The following COL6A5 variants were observed in gnomAD, a reference collection of about 807,000 sequenced individuals.
The protein encoded by COL6A5 is collagen alpha-5(VI) chain.
A neutral mutation model predicts 65.6 loss-of-function variants in COL6A5; 48 were observed. That is an observed-to-expected ratio of 0.73 (90% CI 0.58 to 0.93). COL6A5 has a LOEUF of 0.93. Ranked by LOEUF, COL6A5 falls within the 40% of genes least tolerant of loss-of-function variation. The pLI is 0.00. For synonymous variants in COL6A5, 291 were observed against 322.8 expected, an observed-to-expected ratio of 0.90 and a Z score of 1.05; for missense variants, 914 against 928.3, an observed-to-expected ratio of 0.98 and a Z score of 0.20.
rs768041880 is a variant in COL6A5 at position 130,410,402 on chromosome 3, ATGC to A, written c.4609-66_4609-64del. The A allele has an allele frequency of 5.5e-5, 62 of 1,135,890 alleles. No homozygotes were observed. In the Middle Eastern group the frequency reaches 7.7e-4, roughly 14 times the overall value. 70.4% of individuals were successfully genotyped at this position (1,135,890 alleles called of 1,614,324 possible). On this transcript the variant is annotated intron_variant and NMD_transcript_variant, in intron 19 of 41. Coordinates refer to the COL6A5 transcript ENST00000312481. ...CATTTTAATAGTGCTTGAGGTTTTG[ATGC>A]TGATGCCTTTGTGATTTATTCAGAA...
At chr3:130,460,546 AT>A (rs1249526832) in intron 5 of COL6A5, among the ~76,000 whole-genome samples, 3 of 152,052 alleles carry the variant, frequency 2.0e-5, no homozygotes, top group African/African-American at 7.2e-5. Context: ...TGTTGGTGAC[AT>A]TTTATGTTAT....
exon 13 of COL6A5, chr3:130,403,642 A>C: frequency 1.3e-6 from 2 of 1,551,218 alleles, no homozygotes; most frequent in Non-Finnish European, 1.7e-6. Context: ...CAGAGGACAC[A>C]GGGGAGAGGA....
chr3:130,395,275 A>G, exon 8 of COL6A5: 1 of 1,551,680 alleles, frequency 6.4e-7, no homozygotes, highest in Admixed American at 2.0e-5. Context: ...TGGCAGATGC[A>G]GTAAAAACCC....
chr3:130,368,700 A>G (rs1414464706), intron 1 of COL6A5, among the ~76,000 whole-genome samples: 1 of 152,178 alleles, frequency 6.6e-6, no homozygotes, highest in Non-Finnish European at 1.5e-5. Context: ...GGGTGTGGAC[A>G]GATTTGAGAG....
At chr3:130,381,700 G>A (rs1343211834) in intron 4 of COL6A5, among the ~76,000 whole-genome samples, 1 of 151,888 alleles carries the variant, frequency 6.6e-6, no homozygotes, top group Non-Finnish European at 1.5e-5. Context: ...ATGCTTCCAG[G>A]CAATTGAAAC....
chr3:130,429,467 G>C, upstream of COL6A5: 1 of 975,228 alleles, frequency 1.0e-6, no homozygotes, highest in Non-Finnish European at 1.5e-6. Context: ...CTCATTTGCA[G>C]TTAGACTCAA....
At chr3:130,381,898 A>G (rs561660518) in intron 4 of COL6A5, among the ~76,000 whole-genome samples, 1 of 152,232 alleles carries the variant, frequency 6.6e-6, no homozygotes, top group Admixed American at 6.5e-5. Flanking sequence ...TAGAAATTGT[A>G]AATGGGAAGA....
chr3:130,463,328 CA>C (rs11347397), intron 5 of COL6A5, among the ~76,000 whole-genome samples: 85,459 of 151,846 alleles, frequency 0.56, 26,630 homozygotes, highest in Non-Finnish European at 0.72. Flanking sequence ...TTTCAAATTT[CA>C]AAGCAGGCCA....
intron 5 of COL6A5, among the ~76,000 whole-genome samples, chr3:130,457,581 G>A (rs1028490910): frequency 6.6e-6 from 1 of 152,126 alleles, no homozygotes; most frequent in Non-Finnish European, 1.5e-5. Context: ...CCTACAGTGA[G>A]TTGAAGTATG....
intron 3 of COL6A5, among the ~76,000 whole-genome samples, chr3:130,377,240 A>G (rs948516896): frequency 6.6e-6 from 1 of 152,174 alleles, no homozygotes; most frequent in African/African-American, 2.4e-5. Context: ...AACAGGTAGC[A>G]CATGAGGGCA....
At chr3:130,375,664 T>C (rs1194776798) in intron 2 of COL6A5, among the ~76,000 whole-genome samples, 1 of 152,136 alleles carries the variant, frequency 6.6e-6, no homozygotes, top group Non-Finnish European at 1.5e-5. Context: ...AGAGGTTTAA[T>C]TGACTCAGTT....
At chr3:130,453,531 C>T (rs182084373) in intron 4 of COL6A5, among the ~76,000 whole-genome samples, 3 of 152,198 alleles carry the variant, frequency 2.0e-5, no homozygotes, top group African/African-American at 7.2e-5. Flanking sequence ...CATGTTTCAT[C>T]CCCAAAAGTT....
In COL6A5 at chr3:130,406,336, T is replaced by C. The variant is rs1936993423; in HGVS notation, c.4479+15T>C. On this transcript the variant is annotated intron_variant and NMD_transcript_variant, in intron 17 of 41. Coordinates refer to the COL6A5 transcript ENST00000312481. Reference sequence around the variant, plus strand: ...CAGGATCTCAGGTAACACTTTTCTTTTCAATACTTCAAAGAAGGAGAATTT... The same window carrying C: ...CAGGATCTCAGGTAACACTTTTCTTCTCAATACTTCAAAGAAGGAGAATTT... 2 of 1,536,658 alleles carry C rather than the reference T, an allele frequency of 1.3e-6. No individual in the cohort carries two copies. Among genetic ancestry groups the C allele is most frequent in the East Asian group, 4.9e-5 (2 of 40,870 alleles).
chr3:130,422,051 G>T (rs928692896), intron 27 of COL6A5, among the ~76,000 whole-genome samples: 3 of 151,984 alleles, frequency 2.0e-5, no homozygotes, highest in East Asian at 3.9e-4. Flanking sequence ...ACAAAATATG[G>T]GTTAAAAAGT....
chr3:130,403,677 C>T lies in COL6A5; in HGVS notation c.4281+15C>T. Reference sequence around the variant, plus strand: ...ATGGAAACCCTGTAAGTTTTTATTACTCCCCCTCACCCCCTGTTGCACACA... The same window carrying T: ...ATGGAAACCCTGTAAGTTTTTATTATTCCCCCTCACCCCCTGTTGCACACA... On this transcript the variant is annotated intron_variant and NMD_transcript_variant, in intron 13 of 41. Transcript: ENST00000312481. The T allele has an allele frequency of 1.9e-6, 3 of 1,546,306 alleles. No homozygotes were observed. The highest frequency in any genetic ancestry group is 2.6e-6 in the Non-Finnish European group (3 of 1,142,878).
chr3:130,367,344 C>T (rs1365074245), intron 1 of COL6A5, among the ~76,000 whole-genome samples: 1 of 152,186 alleles, frequency 6.6e-6, no homozygotes, highest in Non-Finnish European at 1.5e-5. Context: ...CTTGATCTCT[C>T]CTCTTCCCCT....
intron 7 of COL6A5, among the ~76,000 whole-genome samples, chr3:130,480,210 A>G (rs1203093466): frequency 6.6e-6 from 1 of 152,056 alleles, no homozygotes; most frequent in Admixed American, 6.6e-5. Context: ...CATTTTATTA[A>G]TAAATGTATT....
At position 130,426,383 on chromosome 3, in the gene COL6A5, G is replaced by C. The variant is rs748298425; in HGVS notation, c.5216G>C (p.Arg1739Pro). The change falls in exon 31 of 42, where the codon CGG becomes CCG. Residue 1739 changes from arginine to proline, a missense_variant and NMD_transcript_variant. Arg to Pro is a moderately radical substitution (Grantham distance 103, BLOSUM62 -2). Transcript: ENST00000312481. ...CATTTACAGCAATGTGATCTGATCC[G>C]GTTTTTGCGGGAACATAGTCGTGAG... 34 of 1,551,010 alleles carry C rather than the reference G, an allele frequency of 2.2e-5. No individual in the cohort carries two copies. In the South Asian group the frequency reaches 3.5e-4, roughly 16 times the overall value.
intron 24 of COL6A5, among the ~76,000 whole-genome samples, chr3:130,418,087 C>T (rs1937404433): frequency 6.6e-6 from 1 of 151,910 alleles, no homozygotes; most frequent in Non-Finnish European, 1.5e-5. Context: ...CAAGATAAGG[C>T]AATAGATACA....
Sources: allele counts gnomAD v4.1 joint callset (sites outside exome capture counted in the v4.1 genomes callset), GRCh38; gene constraint gnomAD v4.1.1; transcripts MANE v1.5; gene names NCBI Gene and HGNC (gene_info 2026-07-23, HGNC 2026-07-21).